The following NFIB variants were observed in gnomAD, a reference collection of about 807,000 sequenced individuals.
The protein encoded by NFIB is nuclear factor 1 B-type.
A neutral mutation model predicts 61.5 loss-of-function variants in NFIB; 11 were observed. That is an observed-to-expected ratio of 0.18 (90% CI 0.11 to 0.30). The LOEUF (loss-of-function observed/expected upper bound fraction) is 0.30, where lower values mean the gene tolerates loss of function less well. Among genes scored for constraint, NFIB ranks in the 10% least tolerant of loss-of-function variants. The probability of loss-of-function intolerance (pLI) is 1.00; values close to 1 mark genes in which losing one functional copy is unlikely to be tolerated. For missense variants in NFIB, 471 were observed against 608.9 expected (o/e 0.77, Z 2.38); for synonymous variants, 260 against 216.5 (o/e 1.20, Z -1.76).
intron 2 of NFIB, among the ~76,000 whole-genome samples, chr9:14,273,789 T>C (rs921780306): frequency 1.3e-5 from 2 of 152,140 alleles, no homozygotes; most frequent in African/African-American, 4.8e-5. Context: ...CCCAATGGTA[T>C]GTGGTCTTGA....
At position 14,138,024 on chromosome 9, in the gene NFIB, G is replaced by C. The variant is rs1033248549; in HGVS notation, c.925+8665C>G. 2.0e-5 allele frequency among the ~76,000 whole-genome samples: 3 copies of C among 151,968 alleles called. No individual in the cohort carries two copies. The East Asian group carries it at 5.8e-4, about 29-fold the overall frequency. On this transcript the variant is annotated intron_variant, in intron 6 of 10. Coordinates refer to ENST00000380953, the MANE Select transcript of NFIB (RefSeq NM_001190737.2). The stretch of plus-strand genomic sequence containing the variant: ...ACATAATATCTCAATGACTTATTTG[G>C]GATACAGTATTATATAGCAATAACG...
chr9:14,115,506 T>C (rs1033735332), intron 9 of NFIB, among the ~76,000 whole-genome samples: 5 of 152,198 alleles, frequency 3.3e-5, no homozygotes, highest in Admixed American at 6.5e-5. Flanking sequence ...ATGCGGCTTA[T>C]TGGTACGTGT....
At chr9:14,379,024 G>A (rs2061452979) in intron 1 of NFIB, among the ~76,000 whole-genome samples, 2 of 152,338 alleles carry the variant, frequency 1.3e-5, no homozygotes, top group East Asian at 3.9e-4. Flanking sequence ...GTTGCTATCT[G>A]TATTACACAA....
Position 14,313,975 on chromosome 9 carries a change from G to A in NFIB, c.-464C>T. ...AGGGGGGCGCGGGAGGGCGCAGGAG[G>A]GCGAGCGGGCGGGCGGGAGGGAGAG... On this transcript the variant is annotated 5_prime_UTR_variant, in exon 1 of 11. Coordinates refer to ENST00000380953, the MANE Select transcript of NFIB (RefSeq NM_001190737.2). The surrounding 1 kb of genome is among the most constrained non-coding windows in gnomAD (Gnocchi z 4.5). 2 of 1,057,930 alleles carry A rather than the reference G, an allele frequency of 1.9e-6. No individual in the cohort carries two copies. The highest frequency in any genetic ancestry group is 4.6e-5 in the South Asian group (1 of 21,704). 65.5% of individuals were successfully genotyped at this position (1,057,930 alleles called of 1,614,324 possible).
At chr9:14,530,538 T>G in the NFIB span, among the ~76,000 whole-genome samples, 4 of 152,010 alleles carry the variant, frequency 2.6e-5, no homozygotes, top group Non-Finnish European at 4.4e-5. Context: ...ACATCTCACA[T>G]TAACGAGAAA....
intron 1 of NFIB, among the ~76,000 whole-genome samples, chr9:14,335,511 A>C (rs945059300): frequency 2.6e-5 from 4 of 152,042 alleles, no homozygotes; most frequent in Non-Finnish European, 4.4e-5. Context: ...TGTATTCAAA[A>C]CTTTTTGCCC....
rs548122996 is a variant in NFIB at position 14,244,803 on chromosome 9, T to C, written c.562+62186A>G. On this transcript the variant is annotated intron_variant, in intron 2 of 10. Transcript: ENST00000380953. ...TAAGTACTAAAAAAATAGTAAATACTATTATTGTTGTTCTTGCTACTGTTA... is the reference window on the plus strand; with the variant it reads ...TAAGTACTAAAAAAATAGTAAATACCATTATTGTTGTTCTTGCTACTGTTA... 7.9e-5 allele frequency among the ~76,000 whole-genome samples: 12 copies of C among 152,282 alleles called. No homozygotes were observed. In the East Asian group the frequency reaches 1.9e-3, roughly 24 times the overall value.
the NFIB span, among the ~76,000 whole-genome samples, chr9:14,487,499 C>T: frequency 2.0e-5 from 3 of 152,142 alleles, no homozygotes; most frequent in Non-Finnish European, 4.4e-5. Context: ...AGGCCCCTGC[C>T]GACTTAAATG....
rs2032457709 is a variant in NFIB at position 14,084,094 on chromosome 9, G to T, written c.*4215C>A. The stretch of plus-strand genomic sequence containing the variant: ...CTTTTTTAAAGGATTAGTATCCTAT[G>T]CTTTTCAAGCACAGGAATCTGTGAA... On this transcript the variant is annotated 3_prime_UTR_variant, in exon 11 of 11. Transcript: ENST00000380953. The T allele has an allele frequency of 4.9e-6, 1 of 205,754 alleles. No homozygotes were observed. Among genetic ancestry groups the T allele is most frequent in the Admixed American group, 6.0e-5 (1 of 16,758 alleles). 12.7% of individuals were successfully genotyped at this position (205,754 alleles called of 1,614,324 possible). A position where few individuals can be genotyped will look rare whatever the true frequency, so the allele number is the denominator to read the frequency against.
the NFIB span, among the ~76,000 whole-genome samples, chr9:14,482,613 T>C: frequency 3.9e-5 from 6 of 152,252 alleles, no homozygotes; most frequent in Non-Finnish European, 8.8e-5. Context: ...CCGAAGGGGC[T>C]GCATTGTTTA....
chr9:14,364,973 A>G (rs1437081447), intron 1 of NFIB, among the ~76,000 whole-genome samples: 1 of 152,168 alleles, frequency 6.6e-6, no homozygotes, highest in Non-Finnish European at 1.5e-5. Flanking sequence ...GATCTGTGCC[A>G]TATAGTGGGC....
chr9:14,530,413 G>GGA, the NFIB span, among the ~76,000 whole-genome samples: 39,107 of 149,474 alleles, frequency 0.26, 5,244 homozygotes, highest in East Asian at 0.42. Context: ...AAAGAGAGAG[G>GGA]GAGAGAGAGA....
intron 3 of NFIB, among the ~76,000 whole-genome samples, chr9:14,161,525 A>G (rs2044203743): frequency 6.6e-6 from 1 of 151,566 alleles, no homozygotes; most frequent in African/African-American, 2.4e-5. Flanking sequence ...ATTTATTTAT[A>G]AAATCAATAT....
the NFIB span, among the ~76,000 whole-genome samples, chr9:14,414,514 T>TA: frequency 6.9e-6 from 1 of 144,502 alleles, no homozygotes; most frequent in African/African-American, 2.7e-5. Context: ...GTTTTGTATT[T>TA]TTTTTTTTTT....
At chr9:14,420,471 G>A in the NFIB span, among the ~76,000 whole-genome samples, 1,292 of 68,104 alleles carry the variant, frequency 0.019, no homozygotes, top group Middle Eastern at 0.026. Flanking sequence ...AAAAAAAAAA[G>A]ATGCTATCAA....
the NFIB span, among the ~76,000 whole-genome samples, chr9:14,483,511 G>C: frequency 5.6e-4 from 85 of 152,172 alleles, no homozygotes; most frequent in Non-Finnish European, 4.7e-4. Flanking sequence ...TCAGGCTTTG[G>C]GGTCAGACAT....
intron 2 of NFIB, among the ~76,000 whole-genome samples, chr9:14,271,522 T>C (rs778928557): frequency 1.3e-5 from 2 of 152,042 alleles, no homozygotes; most frequent in African/African-American, 2.4e-5. Flanking sequence ...ATTTGTCACA[T>C]GTAGGAATAA....
At chr9:14,097,447 T>C (rs1173603585) in intron 10 of NFIB, among the ~76,000 whole-genome samples, 1 of 152,126 alleles carries the variant, frequency 6.6e-6, no homozygotes, top group Non-Finnish European at 1.5e-5. Context: ...AACCCAGCTG[T>C]TGTACTGTAG....
chr9:14,329,905 C>T (rs190899992), intron 1 of NFIB, among the ~76,000 whole-genome samples: 1,854 of 151,800 alleles, frequency 0.012, 40 homozygotes, highest in African/African-American at 0.043. Flanking sequence ...AGGCGGATCA[C>T]GAGGTCAGGA....
Sources: allele counts gnomAD v4.1 joint callset (sites outside exome capture counted in the v4.1 genomes callset), GRCh38; gene constraint gnomAD v4.1.1; non-coding constraint Gnocchi (gnomAD v3.1); transcripts MANE v1.5; gene names NCBI Gene and HGNC (gene_info 2026-07-23, HGNC 2026-07-21).